Variants in THNSL1 observed in about 807,000 individuals in gnomAD.
The protein encoded by THNSL1 is threonine synthase-like 1.
In THNSL1, 48 loss-of-function variants were observed where a neutral mutation model predicts 50.4. The observed-to-expected ratio is 0.95, with a 90% CI of 0.76 to 1.21. The LOEUF (loss-of-function observed/expected upper bound fraction) is 1.21. THNSL1 is among the 50% of genes most tolerant of loss of function. THNSL1 has a pLI of 0.00. For missense variants in THNSL1, 896 were observed against 871.7 expected, an observed-to-expected ratio of 1.03 and a Z score of -0.35; for synonymous variants, 309 against 306.1, an observed-to-expected ratio of 1.01 and a Z score of -0.10.
chr10:24,962,172 C>T, the THNSL1 span, among the ~76,000 whole-genome samples: 1 of 152,154 alleles, frequency 6.6e-6, no homozygotes, highest in East Asian at 1.9e-4. Flanking sequence ...AACACGCTCC[C>T]ATGAAATTAT....
the THNSL1 span, chr10:24,952,430 C>G: frequency 7.2e-7 from 1 of 1,386,984 alleles, no homozygotes; most frequent in Non-Finnish European, 1.0e-6. This position sits in a 1 kb window ranked among gnomAD's most constrained non-coding sequence, Gnocchi z 5.1. Context: ...CGGTGGCCCT[C>G]TCTCTCCCCC....
In THNSL1 at chr10:25,025,110, C is replaced by G; in HGVS notation, c.1887C>G (p.Asn629Lys). The G allele has an allele frequency of 6.2e-7, 1 of 1,614,196 alleles. No homozygotes were observed. The highest frequency in any genetic ancestry group is 8.5e-7 in the Non-Finnish European group (1 of 1,180,024). ...CSEGECLAAI[N>K]STYNTSGYIL... ...AGGGAGAGTGCCTAGCAGCTATTAA[C>G]TCCACCTATAATACTTCAGGGTATA... is the stretch of plus-strand genomic sequence containing the variant. The change falls in exon 3 of 3, where the codon AAC becomes AAG. Residue 629 changes from asparagine to lysine, a missense_variant. Coordinates refer to ENST00000376356, the MANE Select transcript of THNSL1 (RefSeq NM_024838.5).
rs1455381918 is a variant in THNSL1, at chr10:25,023,288, A to G, written c.65A>G (p.His22Arg). The G allele has an allele frequency of 3.1e-6, 5 of 1,613,998 alleles. No individual in the cohort carries two copies. The highest frequency in any genetic ancestry group is 2.2e-5 in the East Asian group (1 of 44,890). Residue 22 changes from histidine (H) to arginine (R), a missense_variant, in exon 3 of 3, where the codon CAT becomes CGT. His to Arg is a conservative substitution (Grantham distance 29, BLOSUM62 0). Transcript: ENST00000376356. ...ACACAGAAATGTTTTTCTAGTATAC[A>G]TGTTAAAACGGATAAACATGCACAG... Reference protein sequence around the residue: ...KITQKCFSSIHVKTDKHAQRF... With the variant: ...KITQKCFSSIRVKTDKHAQRF...
chr10:25,022,062 G>A (rs1013080801), intron 2 of THNSL1, among the ~76,000 whole-genome samples, 154 bp downstream of exon 2: 5 of 152,028 alleles, frequency 3.3e-5, no homozygotes, highest in Non-Finnish European at 7.4e-5. Context: ...GTTGCATATT[G>A]CTTCTACCAG....
At chr10:24,974,592 C>T in the THNSL1 span, among the ~76,000 whole-genome samples, 1 of 152,104 alleles carries the variant, frequency 6.6e-6, no homozygotes, top group Admixed American at 6.5e-5. Context: ...CTGATTAAGG[C>T]ATTTGGCTTA....
the THNSL1 span, among the ~76,000 whole-genome samples, chr10:25,011,279 T>C: frequency 7.2e-5 from 11 of 152,168 alleles, no homozygotes; most frequent in Non-Finnish European, 1.6e-4. Flanking sequence ...TTTGCCCACT[T>C]TTTGATGGGG....
chr10:24,956,259 A>T, the THNSL1 span, among the ~76,000 whole-genome samples: 1,411 of 152,058 alleles, frequency 9.3e-3, 70 homozygotes, highest in Admixed American at 0.074. Flanking sequence ...ATAGCACCTG[A>T]TACATAGTTT....
the THNSL1 span, among the ~76,000 whole-genome samples, chr10:25,007,083 T>A: frequency 2.0e-5 from 3 of 152,248 alleles, no homozygotes; most frequent in Non-Finnish European, 4.4e-5. Flanking sequence ...ATTTTACCTG[T>A]GTCCTGGCAG....
At chr10:24,984,166 C>G in the THNSL1 span, 5 of 458,952 alleles carry the variant, frequency 1.1e-5, no homozygotes, top group African/African-American at 4.0e-5. Context: ...AAATAGAAGC[C>G]TTTCATCATA....
chr10:25,010,291 T>C, the THNSL1 span, among the ~76,000 whole-genome samples: 3 of 152,148 alleles, frequency 2.0e-5, no homozygotes, highest in Admixed American at 6.5e-5. Flanking sequence ...GCCCTAAAGA[T>C]TTGTGGAACT....
At chr10:25,011,667 G>C (rs1367536758), upstream of THNSL1, among the ~76,000 whole-genome samples, 1 of 152,142 alleles carries the variant, frequency 6.6e-6, no homozygotes, top group African/African-American at 2.4e-5. Flanking sequence ...CAGGATATAG[G>C]CATGGGCAAG....
chr10:24,973,304 C>G, the THNSL1 span, among the ~76,000 whole-genome samples: 4 of 151,776 alleles, frequency 2.6e-5, no homozygotes. Context: ...ATCTGACAGC[C>G]TCGTCGACTA....
At position 25,024,219 on chromosome 10, in the gene THNSL1, C is replaced by CAAA. The variant is rs1483901473; in HGVS notation, c.996_997insAAA (p.His332_Leu333insLys). ...GCTCAAAAATTGCTCCTGTCAGGCA[C>CAAA]CTTTCAGGCAACCAGTTCATCCTGG... On this transcript the variant is annotated inframe_insertion, in exon 3 of 3. Transcript: ENST00000376356. The CAAA allele has an allele frequency of 2.5e-6, 4 of 1,614,170 alleles. No individual in the cohort carries two copies. The African/African-American group carries it at 5.3e-5, about 22-fold the overall frequency.
the THNSL1 span, among the ~76,000 whole-genome samples, chr10:24,985,233 T>C: frequency 1.3e-5 from 2 of 152,166 alleles, no homozygotes; most frequent in South Asian, 2.1e-4. Context: ...AATGCATGGG[T>C]AAAAAACAAC....
At chr10:24,999,355 C>T in the THNSL1 span, 10 of 1,537,580 alleles carry the variant, frequency 6.5e-6, no homozygotes, top group African/African-American at 4.2e-5. Flanking sequence ...AGTTAAATCA[C>T]CTGCTAATGC....
chr10:24,958,834 T>G, the THNSL1 span, among the ~76,000 whole-genome samples: 3 of 152,172 alleles, frequency 2.0e-5, no homozygotes, highest in Non-Finnish European at 4.4e-5. Context: ...CCTCCCACTA[T>G]CTCCCCTTCT....
At chr10:25,015,747 C>T (rs1390694700), upstream of THNSL1, 7 of 1,000,738 alleles carry the variant, frequency 7.0e-6, no homozygotes, top group South Asian at 9.0e-5. Flanking sequence ...GCTACTTCAT[C>T]GAGGCAAAAA....
the THNSL1 span, among the ~76,000 whole-genome samples, chr10:24,975,155 GA>G: frequency 2.6e-4 from 38 of 147,774 alleles, no homozygotes; most frequent in African/African-American, 7.9e-4. Context: ...AGCTTATTCA[GA>G]AAAAAAAAAT....
At chr10:24,993,542 G>A in the THNSL1 span, among the ~76,000 whole-genome samples, 2 of 152,168 alleles carry the variant, frequency 1.3e-5, no homozygotes, top group Non-Finnish European at 2.9e-5. Flanking sequence ...AATTCACTTG[G>A]AGCTGAAATG....
Sources: gnomAD v4.1 joint callset for allele counts (sites outside exome capture counted in the v4.1 genomes callset) on GRCh38, gnomAD v4.1.1 for gene constraint, Gnocchi (gnomAD v3.1) non-coding constraint, MANE v1.5 for transcripts, NCBI Gene and HGNC (gene_info 2026-07-23, HGNC 2026-07-21) for gene names.